Variants in MRC2 observed in about 807,000 individuals in gnomAD.
MRC2 encodes C-type mannose receptor 2.
In MRC2, 84 loss-of-function variants were observed where a neutral mutation model predicts 206.2. The ratio of observed to expected loss-of-function variants is 0.41; its 90% CI spans 0.34 to 0.49. MRC2 has a LOEUF of 0.49. MRC2 is among the 20% of genes least tolerant of loss of function. The pLI is 0.31. For missense variants in MRC2, 1,676 were observed against 2,001.5 expected, an observed-to-expected ratio of 0.84 and a Z score of 3.10; for synonymous variants, 798 against 800.0, an observed-to-expected ratio of 1.00 and a Z score of 0.04.
intron 1 of MRC2, among the ~76,000 whole-genome samples, chr17:62,629,716 T>C (rs2084201324): frequency 6.6e-6 from 1 of 152,208 alleles, no homozygotes; most frequent in Non-Finnish European, 1.5e-5. Context: ...CTGGGCCGAA[T>C]TCCTTGCCCG....
intron 1 of MRC2, among the ~76,000 whole-genome samples, chr17:62,651,980 T>C (rs1471048291): frequency 2.0e-5 from 3 of 152,218 alleles, no homozygotes; most frequent in East Asian, 1.9e-4. Flanking sequence ...GTTGTTTTTT[T>C]CTTTTAAGTC....
chr17:62,647,387 G>A (rs909763266), intron 1 of MRC2, among the ~76,000 whole-genome samples: 1 of 151,826 alleles, frequency 6.6e-6, no homozygotes, highest in Non-Finnish European at 1.5e-5. Context: ...GTTTCACTAT[G>A]TTGGTCAGGC....
chr17:62,640,219 A>C (rs1309212658), intron 1 of MRC2, among the ~76,000 whole-genome samples: 2 of 151,972 alleles, frequency 1.3e-5, no homozygotes, highest in Admixed American at 6.6e-5. Flanking sequence ...CAGTCTTACA[A>C]CATTTAATAT....
intron 20 of MRC2, among the ~76,000 whole-genome samples, chr17:62,687,697 C>T (rs957905222): frequency 3.3e-5 from 5 of 152,068 alleles, no homozygotes; most frequent in South Asian, 2.1e-4. Flanking sequence ...TAGGGCTGGG[C>T]GCGGTGAAAC....
chr17:62,631,997 G>T (rs138056756), intron 1 of MRC2, among the ~76,000 whole-genome samples: 1 of 152,134 alleles, frequency 6.6e-6, no homozygotes, highest in Non-Finnish European at 1.5e-5. Flanking sequence ...GATAGGAAGC[G>T]TGTCTTCCTG....
intron 1 of MRC2, among the ~76,000 whole-genome samples, chr17:62,658,069 C>G (rs1402900344): frequency 1.3e-5 from 2 of 152,114 alleles, no homozygotes; most frequent in Non-Finnish European, 2.9e-5. Context: ...CAAGAGGTTG[C>G]CTTTGTCCTC....
chr17:62,642,672 C>T (rs374259339), intron 1 of MRC2, among the ~76,000 whole-genome samples: 2 of 152,098 alleles, frequency 1.3e-5, no homozygotes, highest in Admixed American at 6.6e-5. Flanking sequence ...GTTGTGAACC[C>T]CTGAGCTCAA....
In MRC2 at chr17:62,680,995, G is replaced by A; in HGVS notation, c.2634+35G>A. The A allele has an allele frequency of 1.2e-6, 2 of 1,611,868 alleles. No individual in the cohort carries two copies. Among genetic ancestry groups the A allele is most frequent in the East Asian group, 2.2e-5 (1 of 44,852 alleles). On this transcript the variant is annotated intron_variant, in intron 17 of 29. Transcript: ENST00000303375. This position sits in a 1 kb window ranked among gnomAD's most constrained non-coding sequence, Gnocchi z 4.8. ...GGATTGAGCAGGGGGCTGCAGGCTG[G>A]GGGAGGGCAGGCCCGGGATGAGGGC...
rs562725317 is a variant in MRC2, at chr17:62,657,618, T to C, written c.119-6930T>C. Among the ~76,000 whole-genome samples the C allele has an allele frequency of 1.9e-4, 24 of 129,262 alleles. 1 individual carries two copies. In the Admixed American group the frequency reaches 1.9e-3, roughly 10 times the overall value. 84.8% of individuals were successfully genotyped at this position (129,262 alleles called of 152,430 possible). On this transcript the variant is annotated intron_variant, in intron 1 of 29. Transcript: ENST00000303375. ...CCTGCACTGACACCTGATGCTCCCATGCATATGGATGAGGCTGGGGGGTGG... is the reference window on the plus strand; with the variant it reads ...CCTGCACTGACACCTGATGCTCCCACGCATATGGATGAGGCTGGGGGGTGG...
Position 62,692,298 on chromosome 17 carries a change from G to T in MRC2, c.4287G>T (p.Leu1429=). ...LMAVLLLLAL[L]TAALILYRRR... is the part of the protein sequence containing the mutation. ...CGGTGCTGCTGCTCCTGGCCTTGCTGACCGCAGCCCTCATCCTTTACCGGA... is the reference window on the plus strand; with the variant it reads ...CGGTGCTGCTGCTCCTGGCCTTGCTTACCGCAGCCCTCATCCTTTACCGGA... Residue 1429 remains leucine, a synonymous_variant, in exon 30 of 30, where the codon CTG becomes CTT. Transcript: ENST00000303375. The surrounding 1 kb of genome is among the most constrained non-coding windows in gnomAD (Gnocchi z 4.2). 1 of 1,595,474 alleles carries T rather than the reference G, an allele frequency of 6.3e-7. No homozygotes were observed. The highest frequency in any genetic ancestry group is 1.1e-5 in the South Asian group (1 of 88,540).
intron 1 of MRC2, among the ~76,000 whole-genome samples, chr17:62,645,527 A>AT (rs1164231785): frequency 1.9e-3 from 76 of 39,546 alleles, no homozygotes; most frequent in South Asian, 6.0e-3. Flanking sequence ...ATATATATAT[A>AT]TTTTTTTTTT....
chr17:62,678,785 G>C, intron 13 of MRC2, 139 bp downstream of exon 13: 2 of 1,242,938 alleles, frequency 1.6e-6, no homozygotes, highest in African/African-American at 3.1e-5. Context: ...TGCATCTGCT[G>C]CTGGTGCCAG....
intron 20 of MRC2, among the ~76,000 whole-genome samples, chr17:62,682,613 A>T (rs972177784): frequency 6.6e-6 from 1 of 151,184 alleles, no homozygotes; most frequent in East Asian, 1.9e-4. Flanking sequence ...TAATTTGGTG[A>T]GTGTTCTAGA....
Position 62,691,033 on chromosome 17 carries a change from A to G in MRC2, c.4097A>G (p.His1366Arg). The G allele has an allele frequency of 1.2e-6, 2 of 1,609,876 alleles. No homozygotes were observed. The highest frequency in any genetic ancestry group is 1.7e-6 in the Non-Finnish European group (2 of 1,178,916). The change falls in exon 28 of 30, where the codon CAC becomes CGC. Residue 1366 changes from histidine (H) to arginine (R), a missense_variant. His to Arg is a conservative substitution (Grantham distance 29). Transcript: ENST00000303375. The part of the protein sequence containing the change: ...PPGLGPSMLS[H>R]NSCYWIQSNS... ...GGCTTGGGCCCCAGCATGCTGAGCC[A>G]CAACAGCTGCTACTGGATTCAGAGC...
At chr17:62,649,949 G>T (rs2088536217) in intron 1 of MRC2, among the ~76,000 whole-genome samples, 2 of 150,666 alleles carry the variant, frequency 1.3e-5, no homozygotes, top group Non-Finnish European at 2.9e-5. Flanking sequence ...GCTGAGGTTG[G>T]AGTGGCACTA....
At chr17:62,660,582 G>T (rs1297204599) in intron 1 of MRC2, among the ~76,000 whole-genome samples, 2 of 152,072 alleles carry the variant, frequency 1.3e-5, no homozygotes, top group Non-Finnish European at 2.9e-5. Flanking sequence ...TAAATCCAAG[G>T]TTAAGAGCCA....
rs950574250 is a variant in MRC2 at position 62,671,455 on chromosome 17, G to A, written c.1118-194G>A. ...CCACCACGACTTGGGTCTCTGTCCC[G>A]GGGCTCCAGCAGCCCTGTAAAGTTT... is the stretch of plus-strand genomic sequence containing the variant. On this transcript the variant is annotated intron_variant, in intron 6 of 29. Coordinates refer to ENST00000303375, the MANE Select transcript of MRC2 (RefSeq NM_006039.5). This position sits in a 1 kb window ranked among gnomAD's most constrained non-coding sequence, Gnocchi z 4.5. Among the ~76,000 whole-genome samples the A allele has an allele frequency of 6.6e-6, 1 of 152,208 alleles. No homozygotes were observed. Among genetic ancestry groups the A allele is most frequent in the Non-Finnish European group, 1.5e-5 (1 of 68,048 alleles).
intron 2 of MRC2, among the ~76,000 whole-genome samples, chr17:62,665,844 G>A (rs2088746150): frequency 6.6e-6 from 1 of 152,190 alleles, no homozygotes; most frequent in Admixed American, 6.5e-5. Context: ...GTTTGGATGG[G>A]ATTAGGGGTA....
At chr17:62,645,497 T>TTATATATATA (rs1201996433) in intron 1 of MRC2, among the ~76,000 whole-genome samples, 2 of 93,822 alleles carry the variant, frequency 2.1e-5, no homozygotes, top group African/African-American at 4.0e-5. Context: ...TGTGTATATA[T>TTATATATATA]TATATATATA....
Sources: allele counts gnomAD v4.1 joint callset (sites outside exome capture counted in the v4.1 genomes callset), GRCh38; gene constraint gnomAD v4.1.1; non-coding constraint Gnocchi (gnomAD v3.1); transcripts MANE v1.5; gene names NCBI Gene and HGNC (gene_info 2026-07-23, HGNC 2026-07-21).